Variants in MTAP observed in about 807,000 individuals in gnomAD.
MTAP encodes the protein methylthioadenosine phosphorylase.
In MTAP, 33 loss-of-function variants were observed where a neutral mutation model predicts 33.6. That is an observed-to-expected ratio of 0.98 (90% CI 0.74 to 1.31). The LOEUF (loss-of-function observed/expected upper bound fraction) is 1.31, where lower values mean the gene tolerates loss of function less well. Ranked by LOEUF, MTAP falls within the 40% of genes most tolerant of loss-of-function variation. The probability of loss-of-function intolerance (pLI) is 0.00; values close to 1 mark genes in which losing one functional copy is unlikely to be tolerated. For synonymous variants in MTAP, 148 were observed against 125.7 expected, an observed-to-expected ratio of 1.18 and a Z score of -1.19; for missense variants, 367 against 360.0, an observed-to-expected ratio of 1.02 and a Z score of -0.16.
intron 1 of MTAP, among the ~76,000 whole-genome samples, chr9:21,924,933 G>A (rs1042240419): frequency 6.6e-6 from 1 of 152,200 alleles, no homozygotes; most frequent in African/African-American, 2.4e-5. Flanking sequence ...AACTCACTTG[G>A]AGGGATCTCT....
intron 2 of MTAP, 146 bp downstream of exon 2, chr9:21,815,665 C>G (rs1824456436): frequency 3.0e-6 from 2 of 656,154 alleles, no homozygotes; most frequent in Admixed American, 3.0e-5. Context: ...GCCAGAAGTT[C>G]TGCTGTTGGG....
chr9:21,841,507 G>A (rs1825243298), intron 5 of MTAP, among the ~76,000 whole-genome samples: 1 of 152,226 alleles, frequency 6.6e-6, no homozygotes, highest in African/African-American at 2.4e-5. Flanking sequence ...TACAACCAAT[G>A]ACTCTTGCAG....
chr9:21,827,970 T>C (rs556409346), intron 4 of MTAP, among the ~76,000 whole-genome samples: 10 of 152,346 alleles, frequency 6.6e-5, no homozygotes, highest in African/African-American at 2.4e-4. Context: ...GAGCCTTGGG[T>C]TAATCTGTTA....
chr9:21,935,634 C>T (rs1490274701), downstream of MTAP: 1 of 152,166 alleles, frequency 6.6e-6, no homozygotes, highest in Non-Finnish European at 1.5e-5. Context: ...AGTTCAGACT[C>T]TTCTGAGCTA....
At chr9:21,857,089 A>G (rs1345127641) in intron 6 of MTAP, among the ~76,000 whole-genome samples, 1 of 152,192 alleles carries the variant, frequency 6.6e-6, no homozygotes, top group Non-Finnish European at 1.5e-5. Flanking sequence ...GGTGGGTAGT[A>G]TCAGGGAAAA....
intron 1 of MTAP, among the ~76,000 whole-genome samples, chr9:21,875,148 G>GTGTCT (rs1825987621): frequency 6.6e-6 from 1 of 152,124 alleles, no homozygotes; most frequent in African/African-American, 2.4e-5. Context: ...TAGTGTGCAT[G>GTGTCT]TGTCTTTATA....
At chr9:21,841,689 C>T (rs1276990414) in intron 5 of MTAP, among the ~76,000 whole-genome samples, 1 of 152,244 alleles carries the variant, frequency 6.6e-6, no homozygotes, top group Non-Finnish European at 1.5e-5. Context: ...ACAGTCACTG[C>T]AGTCCAGCTC....
In MTAP at chr9:21,876,736, C is replaced by G. The variant is rs73440427; in HGVS notation, c.147+21866C>G. ...TCCATTGGTCTATGTATCCTTTTTT[C>G]TACCAGTACTATGCTGTTTTGGTTA... is the stretch of plus-strand genomic sequence containing the variant. On this transcript the variant is annotated intron_variant, in intron 1 of 1. Transcript: ENST00000577563. Among the ~76,000 whole-genome samples the G allele has an allele frequency of 8.2e-3, 1,242 of 152,050 alleles. 21 individuals are homozygous for G. The highest frequency in any genetic ancestry group is 0.027 in the African/African-American group (1,138 of 41,508).
chr9:21,868,779 T>C (rs530757807), downstream of MTAP, among the ~76,000 whole-genome samples: 4 of 152,220 alleles, frequency 2.6e-5, no homozygotes, highest in African/African-American at 9.6e-5. Flanking sequence ...CAAACTGTTT[T>C]CCCTCCTGTT....
At chr9:21,928,822 T>C (rs1426335999) in intron 1 of MTAP, among the ~76,000 whole-genome samples, 5 of 151,940 alleles carry the variant, frequency 3.3e-5, no homozygotes, top group Non-Finnish European at 7.4e-5. Context: ...TAAGGCTCCC[T>C]AGCAATTAAG....
intron 1 of MTAP, among the ~76,000 whole-genome samples, chr9:21,899,364 G>T (rs577949777): frequency 6.7e-6 from 1 of 149,678 alleles, no homozygotes; most frequent in Non-Finnish European, 1.5e-5. Context: ...CATATGTACC[G>T]CATAACTTAA....
chr9:21,891,570 A>G (rs1818201298), intron 1 of MTAP, among the ~76,000 whole-genome samples: 1 of 152,204 alleles, frequency 6.6e-6, no homozygotes, highest in Non-Finnish European at 1.5e-5. Context: ...TCTTCAAATC[A>G]ACTCAGACAA....
At chr9:21,867,440 TTTCTC>T (rs1188307307), downstream of MTAP, among the ~76,000 whole-genome samples, 1 of 152,160 alleles carries the variant, frequency 6.6e-6, no homozygotes, top group Admixed American at 6.5e-5. Flanking sequence ...AATCTTGACT[TTTCTC>T]TTTTATTTTG....
chr9:21,873,761 T>C (rs1040507436), intron 1 of MTAP, among the ~76,000 whole-genome samples: 4 of 152,116 alleles, frequency 2.6e-5, no homozygotes, highest in African/African-American at 9.7e-5. Context: ...GGAACAGCTA[T>C]AGAAGTTGAA....
chr9:21,852,621 A>G (rs1825543483), intron 5 of MTAP, among the ~76,000 whole-genome samples: 1 of 151,772 alleles, frequency 6.6e-6, no homozygotes, highest in Non-Finnish European at 1.5e-5. Flanking sequence ...TTCTTGGGTG[A>G]CAGGTGCATC....
At position 21,864,770 on chromosome 9, in the gene MTAP, C is replaced by T; in HGVS notation, c.*2756C>T. 1.0e-6 allele frequency: 1 copy of T among 985,432 alleles called. No homozygotes were observed. 61.0% of individuals were successfully genotyped at this position (985,432 alleles called of 1,614,324 possible). A position where few individuals can be genotyped will look rare whatever the true frequency, so the allele number is the denominator to read the frequency against. On this transcript the variant is annotated 3_prime_UTR_variant, in exon 8 of 8. Coordinates refer to ENST00000644715, the MANE Select transcript of MTAP (RefSeq NM_002451.4). The stretch of plus-strand genomic sequence containing the variant: ...GAAGAGGGAGTGACTAAGGTGACCT[C>T]CAACCTGCCCTGAGCCAGCTGCCCT...
chr9:21,852,070 A>G (rs1825525205), intron 5 of MTAP, among the ~76,000 whole-genome samples: 1 of 152,230 alleles, frequency 6.6e-6, no homozygotes, highest in African/African-American at 2.4e-5. Context: ...GCCATAAAAA[A>G]GAACAAAATG....
chr9:21,931,383 G>A, downstream of MTAP: 1 of 499,166 alleles, frequency 2.0e-6, no homozygotes, highest in Admixed American at 3.5e-5. Context: ...AACTAGGAAT[G>A]TCAGGTGAGC....
intron 1 of MTAP, among the ~76,000 whole-genome samples, chr9:21,888,303 TG>T (rs1221581617): frequency 6.6e-6 from 1 of 152,186 alleles, no homozygotes; most frequent in Non-Finnish European, 1.5e-5. Flanking sequence ...CTACAGTTAT[TG>T]GGTAGAATGC....
Sources: gnomAD v4.1 joint callset for allele counts (sites outside exome capture counted in the v4.1 genomes callset) on GRCh38, gnomAD v4.1.1 for gene constraint, MANE v1.5 for transcripts, NCBI Gene and HGNC (gene_info 2026-07-23, HGNC 2026-07-21) for gene names.